The following RBFOX3 variants were observed in gnomAD, a reference collection of about 807,000 sequenced individuals.
The protein encoded by RBFOX3 is RNA binding fox-1 homolog 3, also known as RNA binding protein fox-1 homolog 3.
RBFOX3 carries 17 observed loss-of-function variants against 48.7 expected under a neutral mutation model. The observed-to-expected ratio is 0.35, with a 90% CI of 0.24 to 0.52. The LOEUF (loss-of-function observed/expected upper bound fraction) is 0.52, where lower values mean the gene tolerates loss of function less well. Ranked by LOEUF, RBFOX3 falls within the 20% of genes least tolerant of loss-of-function variation. RBFOX3 has a pLI of 0.94. For synonymous variants in RBFOX3, 212 were observed against 209.5 expected (o/e 1.01, Z -0.10); for missense variants, 382 against 497.5 (o/e 0.77, Z 2.21).
At chr17:79,290,217 G>T (rs2072971069) in intron 3 of RBFOX3, among the ~76,000 whole-genome samples, 1 of 152,104 alleles carries the variant, frequency 6.6e-6, no homozygotes, top group African/African-American at 2.4e-5. Flanking sequence ...ATAGAGCCTT[G>T]TGAAGGAGGC....
chr17:79,559,154 G>A (rs1430020883), intron 1 of RBFOX3, among the ~76,000 whole-genome samples: 1 of 152,210 alleles, frequency 6.6e-6, no homozygotes, highest in Non-Finnish European at 1.5e-5. Flanking sequence ...CTGAGGATGG[G>A]AGGGGCGGGG....
the RBFOX3 span, among the ~76,000 whole-genome samples, chr17:79,647,008 C>A: frequency 4.5e-3 from 689 of 151,902 alleles, 5 homozygotes; most frequent in African/African-American, 0.016. Flanking sequence ...AGGGGACAGG[C>A]CAACCCCACC....
At chr17:79,582,398 C>T (rs1463627123) in intron 1 of RBFOX3, among the ~76,000 whole-genome samples, 1 of 152,192 alleles carries the variant, frequency 6.6e-6, no homozygotes, top group Non-Finnish European at 1.5e-5. Flanking sequence ...AGCCTCGCTT[C>T]CACTCTGTGT....
At chr17:79,450,190 G>T (rs1320632811) in intron 2 of RBFOX3, among the ~76,000 whole-genome samples, 2 of 152,172 alleles carry the variant, frequency 1.3e-5, no homozygotes, top group Non-Finnish European at 2.9e-5. Flanking sequence ...GTCACCCGTG[G>T]GTGTACAGAC....
chr17:79,306,838 C>T (rs1464609660), intron 3 of RBFOX3, among the ~76,000 whole-genome samples: 1 of 152,174 alleles, frequency 6.6e-6, no homozygotes, highest in Non-Finnish European at 1.5e-5. Flanking sequence ...GATCCTCAGA[C>T]CCGCCAGCCT....
chr17:79,482,785 G>A lies in RBFOX3; in HGVS notation c.-319-187C>T, dbSNP rs2078947892. On this transcript the variant is annotated intron_variant, in intron 1 of 14. Coordinates refer to ENST00000693108, the MANE Select transcript of RBFOX3 (RefSeq NM_001350451.2). This position sits in a 1 kb window ranked among gnomAD's most constrained non-coding sequence, Gnocchi z 4.1. ...AGGGCACTTTGCTTTTTATGCCCCA[G>A]GGGAGTAAAAGGAAACTTGCAGAAA... Among the ~76,000 whole-genome samples the A allele has an allele frequency of 6.6e-6, 1 of 152,048 alleles. No individual in the cohort carries two copies. Among genetic ancestry groups the A allele is most frequent in the South Asian group, 2.1e-4 (1 of 4,822 alleles).
intron 2 of RBFOX3, among the ~76,000 whole-genome samples, chr17:79,439,507 A>G (rs1269911757): frequency 1.3e-5 from 2 of 152,196 alleles, no homozygotes; most frequent in Non-Finnish European, 2.9e-5. Flanking sequence ...GGATTTTGAG[A>G]AGTTTCCAGG....
Position 79,481,445 on chromosome 17 carries a change from T to C in RBFOX3, c.-175+1009A>G, listed in dbSNP as rs2078766163. Among the ~76,000 whole-genome samples the C allele has an allele frequency of 1.3e-5, 2 of 152,160 alleles. No individual in the cohort carries two copies. Among genetic ancestry groups the C allele is most frequent in the Non-Finnish European group, 2.9e-5 (2 of 68,030 alleles). The stretch of plus-strand genomic sequence containing the variant: ...TAAAACTGCTGGGGTTTCCAAGGGA[T>C]AGGAGTGTCTTCTGTTATTCATAAA... On this transcript the variant is annotated intron_variant, in intron 2 of 14. Coordinates refer to ENST00000693108, the MANE Select transcript of RBFOX3 (RefSeq NM_001350451.2). The surrounding 1 kb of genome is among the most constrained non-coding windows in gnomAD (Gnocchi z 5.4).
At chr17:79,251,389 C>G (rs2063935004) in intron 3 of RBFOX3, among the ~76,000 whole-genome samples, 1 of 152,190 alleles carries the variant, frequency 6.6e-6, no homozygotes, top group South Asian at 2.1e-4. Context: ...GTCAATGGCA[C>G]TAAAGTTGAT....
chr17:79,471,816 C>G lies in RBFOX3; in HGVS notation c.-175+10638G>C, dbSNP rs1555757149. Among the ~76,000 whole-genome samples, 1 of 152,220 alleles carries G rather than the reference C, an allele frequency of 6.6e-6. No homozygotes were observed. The highest frequency in any genetic ancestry group is 2.4e-5 in the African/African-American group (1 of 41,450). On this transcript the variant is annotated intron_variant, in intron 2 of 14. Transcript: ENST00000693108. The surrounding 1 kb of genome is among the most constrained non-coding windows in gnomAD (Gnocchi z 4.0). ...ATCACTCCTGCATCACACCTAGCGC[C>G]CCGTGTGTGACCCGGGATCCCACCG...
At chr17:79,565,857 G>A (rs903147985) in intron 1 of RBFOX3, among the ~76,000 whole-genome samples, 5,644 of 152,214 alleles carry the variant, frequency 0.037, 291 homozygotes, top group East Asian at 0.19. Context: ...CTGTCACACT[G>A]CTGGCTCACG....
intron 1 of RBFOX3, among the ~76,000 whole-genome samples, chr17:79,501,705 C>T (rs1490008798): frequency 7.9e-5 from 12 of 152,220 alleles, no homozygotes; most frequent in East Asian, 3.8e-4. Context: ...ACACATGCCC[C>T]GCCTGGAACC....
chr17:79,385,018 G>C (rs1202198772), intron 2 of RBFOX3, among the ~76,000 whole-genome samples: 2 of 152,234 alleles, frequency 1.3e-5, no homozygotes, highest in African/African-American at 4.8e-5. Context: ...GCCTGGTTCA[G>C]AGGCAGGGCT....
intron 4 of RBFOX3, among the ~76,000 whole-genome samples, chr17:79,141,832 G>A (rs2041980448): frequency 6.6e-6 from 1 of 152,184 alleles, no homozygotes; most frequent in Non-Finnish European, 1.5e-5. Context: ...AGACAGTGAT[G>A]CCGAAAGTGA....
chr17:79,344,938 C>T (rs754200066), intron 2 of RBFOX3, among the ~76,000 whole-genome samples: 2 of 152,190 alleles, frequency 1.3e-5, no homozygotes, highest in Non-Finnish European at 2.9e-5. Context: ...CACATTTGAC[C>T]CTCTGACTGC....
chr17:79,554,931 G>A (rs1382234565), intron 1 of RBFOX3, among the ~76,000 whole-genome samples: 4 of 152,046 alleles, frequency 2.6e-5, no homozygotes, highest in Admixed American at 6.5e-5. Context: ...GAACATCAAC[G>A]GACAGAACTC....
chr17:79,328,396 C>G (rs934695794), intron 2 of RBFOX3, among the ~76,000 whole-genome samples: 1 of 152,244 alleles, frequency 6.6e-6, no homozygotes, highest in Non-Finnish European at 1.5e-5. Context: ...TGGCCACAAT[C>G]TGTGGCTGAG....
At chr17:79,133,410 G>A (rs2039445422) in intron 4 of RBFOX3, among the ~76,000 whole-genome samples, 1 of 151,278 alleles carries the variant, frequency 6.6e-6, no homozygotes, top group Admixed American at 6.6e-5. Flanking sequence ...TACTAGGTTT[G>A]CTGAGCACCT....
intron 2 of RBFOX3, among the ~76,000 whole-genome samples, chr17:79,447,496 T>C (rs1211911883): frequency 1.3e-5 from 2 of 152,174 alleles, no homozygotes; most frequent in Non-Finnish European, 2.9e-5. Flanking sequence ...GTCTATTGTG[T>C]ACGGTGATAC....
Sources: allele counts gnomAD v4.1 joint callset (sites outside exome capture counted in the v4.1 genomes callset), GRCh38; gene constraint gnomAD v4.1.1; non-coding constraint Gnocchi (gnomAD v3.1); transcripts MANE v1.5; gene names NCBI Gene and HGNC (gene_info 2026-07-23, HGNC 2026-07-21).